The following STK36 variants were observed in gnomAD, a reference collection of about 807,000 sequenced individuals.
STK36 encodes serine/threonine kinase 36, also known as serine/threonine-protein kinase 36.
STK36 carries 116 observed loss-of-function variants against 142.2 expected under a neutral mutation model. The observed-to-expected ratio is 0.82, with a 90% CI of 0.70 to 0.95. The LOEUF is 0.95. Ranked by LOEUF, STK36 falls within the 40% of genes least tolerant of loss-of-function variation. The pLI, the probability that STK36 is intolerant of heterozygous loss-of-function variation, is 0.00. For missense variants in STK36, 1,422 were observed against 1,617.2 expected, an observed-to-expected ratio of 0.88 and a Z score of 2.07; for synonymous variants, 619 against 641.7, an observed-to-expected ratio of 0.96 and a Z score of 0.53.
Position 218,680,597 on chromosome 2 carries a change from C to T in STK36, c.1137-6C>T, listed in dbSNP as rs766523688. On this transcript the variant is annotated splice_region_variant and splice_polypyrimidine_tract_variant and intron_variant, in intron 9 of 26. Transcript: ENST00000295709. ...ACCCGTTCTACCCCTTGGCTTCCTC[C>T]GGCAGGGAAAACCGGACCACCCCAG... 4.1e-5 allele frequency: 66 copies of T among 1,610,778 alleles called. No homozygotes were observed. Among genetic ancestry groups the T allele is most frequent in the Middle Eastern group, 1.6e-4 (1 of 6,078 alleles).
intron 17 of STK36, 28 bp from the exon 18 acceptor site, chr2:218,693,695 A>G (rs1462948510): frequency 6.2e-7 from 1 of 1,602,746 alleles, no homozygotes; most frequent in Non-Finnish European, 8.5e-7. Flanking sequence ...GCCCTGCCTC[A>G]CTGCCAGACT....
At chr2:218,684,106 C>CTTT (rs35807157) in intron 10 of STK36, among the ~76,000 whole-genome samples, 68 of 105,134 alleles carry the variant, frequency 6.5e-4, no homozygotes, top group African/African-American at 1.4e-3. Context: ...GCCTCACGAT[C>CTTT]TTTTTTTTTT....
rs746218126 is a variant in STK36, at chr2:218,680,707, G to A, written c.1236+5G>A. On this transcript the variant is annotated splice_donor_5th_base_variant and intron_variant, in intron 10 of 26. Coordinates refer to ENST00000295709, the MANE Select transcript of STK36 (RefSeq NM_015690.5). Reference sequence around the variant, plus strand: ...GTAGTGGACCTGGAAAATGAGGTGAGCCCTAGGGTCTCTTACTGACTTTGT... The same window carrying A: ...GTAGTGGACCTGGAAAATGAGGTGAACCCTAGGGTCTCTTACTGACTTTGT... 27 of 1,608,812 alleles carry A rather than the reference G, an allele frequency of 1.7e-5. No homozygotes were observed. In the South Asian group the frequency reaches 2.9e-4, roughly 17 times the overall value.
At chr2:218,674,503 G>A (rs1053615871) in intron 4 of STK36, among the ~76,000 whole-genome samples, 1 of 152,198 alleles carries the variant, frequency 6.6e-6, no homozygotes, top group Non-Finnish European at 1.5e-5. Flanking sequence ...ACCCAAGCAA[G>A]TAGGCCCCCC....
At position 218,689,973 on chromosome 2, in the gene STK36, T is replaced by G. The variant is rs756258772; in HGVS notation, c.1658+17T>G. The stretch of plus-strand genomic sequence containing the variant: ...AAGTGACAGGTAGGATAAGAAGTGC[T>G]TTTGCATTGTTGGCAAGTTTGGCTT... On this transcript the variant is annotated intron_variant, in intron 13 of 26. Transcript: ENST00000295709. The G allele has an allele frequency of 1.1e-5, 17 of 1,563,146 alleles. No individual in the cohort carries two copies. In the South Asian group the frequency reaches 2.0e-4, roughly 18 times the overall value.
chr2:218,672,207 A>T lies in STK36; in HGVS notation c.-98A>T. The T allele has an allele frequency of 1.8e-6, 1 of 562,680 alleles. No homozygotes were observed. Among genetic ancestry groups the T allele is most frequent in the Non-Finnish European group, 3.2e-6 (1 of 316,174 alleles). The allele number at this position is 562,680 out of a possible 1,614,324, so 34.9% of individuals were successfully genotyped here. On this transcript the variant is annotated 5_prime_UTR_variant, in exon 1 of 27. Coordinates refer to ENST00000295709, the MANE Select transcript of STK36 (RefSeq NM_015690.5). Reference sequence around the variant, plus strand: ...TCTGAACTTCTCACCAGTTCTAGCGAGTAAAATTGTAAGAAAGGGAGCCGA... The same window carrying T: ...TCTGAACTTCTCACCAGTTCTAGCGTGTAAAATTGTAAGAAAGGGAGCCGA...
chr2:218,674,459 C>T (rs1345325144), intron 4 of STK36, among the ~76,000 whole-genome samples: 3 of 152,190 alleles, frequency 2.0e-5, no homozygotes, highest in Non-Finnish European at 4.4e-5. Flanking sequence ...TTGCACATAT[C>T]CTCCAGCCAC....
chr2:218,675,494 T>A, intron 5 of STK36, 21 bp downstream of exon 5: 1 of 1,580,220 alleles, frequency 6.3e-7, no homozygotes, highest in Non-Finnish European at 8.6e-7. Flanking sequence ...TGAGCATCCA[T>A]CTAAGCTTCC....
chr2:218,687,079 A>G (rs145068634), intron 11 of STK36, among the ~76,000 whole-genome samples: 1 of 152,284 alleles, frequency 6.6e-6, no homozygotes, highest in Non-Finnish European at 1.5e-5. Flanking sequence ...AAATATCTCA[A>G]ATCTTCTGCT....
chr2:218,685,297 G>C, intron 11 of STK36, 69 bp downstream of exon 11: 4 of 1,570,652 alleles, frequency 2.5e-6, no homozygotes, highest in Non-Finnish European at 3.5e-6. Flanking sequence ...GAAATACACT[G>C]ACTTCAGGAG....
intron 21 of STK36, among the ~76,000 whole-genome samples, chr2:218,695,414 CAG>C (rs1477633885): frequency 6.7e-6 from 1 of 149,924 alleles, no homozygotes; most frequent in East Asian, 2.0e-4. Flanking sequence ...TTAGTAGAGA[CAG>C]GGTTTCTCCA....
chr2:218,678,493 T>C (rs181002729), intron 6 of STK36, among the ~76,000 whole-genome samples: 23 of 152,336 alleles, frequency 1.5e-4, no homozygotes, highest in African/African-American at 5.5e-4. Flanking sequence ...CTCAGGTATC[T>C]CCAGCAAGAT....
chr2:218,680,027 A>G lies in STK36; in HGVS notation c.1083A>G (p.Glu361=). The G allele has an allele frequency of 1.2e-6, 2 of 1,614,220 alleles. No homozygotes were observed. Among genetic ancestry groups the G allele is most frequent in the Non-Finnish European group, 1.7e-6 (2 of 1,180,034 alleles). Residue 361 remains glutamate, a synonymous_variant, in exon 9 of 27, where the codon GAA becomes GAG. Transcript: ENST00000295709. ...TCCTGGCCGGGATCTTAGCCTCAGAATTGAAGAGCAGCTGGGCTAAATCAG... is the reference window on the plus strand; with the variant it reads ...TCCTGGCCGGGATCTTAGCCTCAGAGTTGAAGAGCAGCTGGGCTAAATCAG... ...SSLLAGILAS[E]LKSSWAKSGT...
intron 4 of STK36, among the ~76,000 whole-genome samples, chr2:218,675,085 A>G (rs1940173543): frequency 6.6e-6 from 1 of 152,186 alleles, no homozygotes; most frequent in African/African-American, 2.4e-5. Flanking sequence ...TGGTGTTATT[A>G]TATAGATTGT....
chr2:218,688,773 G>A lies in STK36; in HGVS notation c.1457G>A (p.Cys486Tyr). The A allele has an allele frequency of 6.2e-7, 1 of 1,614,212 alleles. No homozygotes were observed. Among genetic ancestry groups the A allele is most frequent in the Non-Finnish European group, 8.5e-7 (1 of 1,180,040 alleles). The change falls in exon 12 of 27, where the codon TGC (cysteine) becomes TAC (tyrosine). Residue 486 changes from cysteine to tyrosine, a missense_variant. By Grantham distance (194) the Cys-to-Tyr change is radical. Transcript: ENST00000295709. ...GTCCTGAGCAGTCTTCTCTCCAGCT[G>A]CAGTGATTCTGTTGCCTTGTATTCC... ...FRVLSSLLSS[C>Y]SDSVALYSFC...
rs889288541 is a variant in STK36, at chr2:218,673,539, CT to C, written c.85-84del. The C allele has an allele frequency of 3.2e-5, 48 of 1,503,438 alleles. 1 individual carries two copies. The Admixed American group carries it at 6.6e-4, about 21-fold the overall frequency. 93.1% of individuals were successfully genotyped at this position (1,503,438 alleles called of 1,614,324 possible). ...GTTACTCAAACACTCTAAAATCTGA[CT>C]TCTGGAGCTCTGAGATTAAGGCTGA... On this transcript the variant is annotated intron_variant, in intron 2 of 26. Transcript: ENST00000295709.
chr2:218,696,442 C>G, intron 21 of STK36, 85 bp from the exon 22 acceptor site: 4 of 1,166,694 alleles, frequency 3.4e-6, no homozygotes, highest in Non-Finnish European at 5.2e-6. Context: ...CTGTTCCCTC[C>G]ATGGCACCAT....
rs1208282426 is a variant in STK36 at position 218,676,185 on chromosome 2, C to T, written c.591C>T (p.Thr197=). The part of the protein sequence containing the change: ...GCILYELAVG[T]PPFYATSIFQ... ...TACTATATGAACTGGCAGTAGGCAC[C>T]CCTCCCTTCTATGCTACAAGCATCT... The change falls in exon 6 of 27, where the codon ACC becomes ACT. Residue 197 remains threonine, a synonymous_variant. Transcript: ENST00000295709. 5.0e-6 allele frequency: 8 copies of T among 1,614,042 alleles called. No homozygotes were observed. Among genetic ancestry groups the T allele is most frequent in the South Asian group, 1.1e-5 (1 of 91,076 alleles).
chr2:218,675,944 G>A, intron 5 of STK36, 85 bp from the exon 6 acceptor site: 3 of 1,553,858 alleles, frequency 1.9e-6, no homozygotes, highest in Non-Finnish European at 2.6e-6. Context: ...CTCTGCTCCG[G>A]TTTGGGATAT....
Sources: gnomAD v4.1 joint callset for allele counts (sites outside exome capture counted in the v4.1 genomes callset) on GRCh38, gnomAD v4.1.1 for gene constraint, MANE v1.5 for transcripts, NCBI Gene and HGNC (gene_info 2026-07-23, HGNC 2026-07-21) for gene names.